The following CYP2A13 variants were observed in gnomAD, a reference collection of about 807,000 sequenced individuals.
The protein encoded by CYP2A13 is cytochrome P450 2A13.
A neutral mutation model predicts 39.4 loss-of-function variants in CYP2A13; 30 were observed. That is an observed-to-expected ratio of 0.76 (90% CI 0.57 to 1.03). CYP2A13 has a LOEUF of 1.03. Among genes scored for constraint, CYP2A13 ranks in the 50% least tolerant of loss-of-function variants. The pLI, the probability that CYP2A13 is intolerant of heterozygous loss-of-function variation, is 0.00. For missense variants in CYP2A13, 731 were observed against 648.4 expected (o/e 1.13, Z -1.38); for synonymous variants, 269 against 254.7 (o/e 1.06, Z -0.54).
At chr19:41,090,228 A>G (rs1645690) in intron 3 of CYP2A13, 32 bp downstream of exon 3, 192,213 of 1,548,226 alleles carry the variant, frequency 0.12, 17,619 homozygotes, top group African/African-American at 0.48. Flanking sequence ...CGAGGGCGGG[A>G]ACCCGCGCTT....
chr19:41,094,461 C>A (rs867531396), intron 7 of CYP2A13, 29 bp downstream of exon 7: 1 of 1,612,926 alleles, frequency 6.2e-7, no homozygotes, highest in Middle Eastern at 1.7e-4. Context: ...CACCACCACT[C>A]AGACTACGGG....
rs775074384 is a variant in CYP2A13, at chr19:41,095,969, T to A, written c.*28T>A. ...GAGGGCTGTGCTGGTGCAGGGCTGG[T>A]GGGCGGGGCCAGGGAAACGGCCGGG... On this transcript the variant is annotated 3_prime_UTR_variant, in exon 9 of 9. Coordinates refer to ENST00000330436, the MANE Select transcript of CYP2A13 (RefSeq NM_000766.5). 1.0e-6 allele frequency: 1 copy of A among 965,484 alleles called. No individual in the cohort carries two copies. The highest frequency in any genetic ancestry group is 1.3e-6 in the Non-Finnish European group (1 of 789,172). The allele number at this position is 965,484 out of a possible 1,614,324, so 59.8% of individuals were successfully genotyped here.
At position 41,092,081 on chromosome 19, in the gene CYP2A13, C is replaced by T. The variant is rs189062487; in HGVS notation, c.831+173C>T. 4.9e-3 allele frequency among the ~76,000 whole-genome samples: 740 copies of T among 151,894 alleles called. 6 individuals carry two copies. The highest frequency in any genetic ancestry group is 0.017 in the African/African-American group (686 of 41,404). On this transcript the variant is annotated intron_variant, in intron 5 of 8. Coordinates refer to ENST00000330436, the MANE Select transcript of CYP2A13 (RefSeq NM_000766.5). Reference sequence around the variant, plus strand: ...CTGTAATCCCAGCACTTTGGGAGGCCGAGGCAGGTGGATCACCTGAGGTCA... The same window carrying T: ...CTGTAATCCCAGCACTTTGGGAGGCTGAGGCAGGTGGATCACCTGAGGTCA...
intron 5 of CYP2A13, among the ~76,000 whole-genome samples, chr19:41,092,781 G>A (rs1251899772): frequency 1.3e-5 from 2 of 152,206 alleles, no homozygotes; most frequent in East Asian, 3.8e-4. Flanking sequence ...AGCCTCCCAT[G>A]TGGGAAGGCT....
Position 41,088,721 on chromosome 19 carries a change from G to C in CYP2A13, c.180+70G>C, listed in dbSNP as rs1338406174. On this transcript the variant is annotated intron_variant, in intron 1 of 8. Coordinates refer to ENST00000330436, the MANE Select transcript of CYP2A13 (RefSeq NM_000766.5). ...CAGTTGGCTGGGGCTTTGTGGCAGGGGATTGACCAGTGTGGACCAGAGTCT... is the reference window on the plus strand; with the variant it reads ...CAGTTGGCTGGGGCTTTGTGGCAGGCGATTGACCAGTGTGGACCAGAGTCT... 11 of 1,575,116 alleles carry C rather than the reference G, an allele frequency of 7.0e-6. 1 individual carries two copies. The Admixed American group carries it at 1.9e-4, about 27-fold the overall frequency.
chr19:41,089,843 T>TG (rs2031135487), intron 2 of CYP2A13, among the ~76,000 whole-genome samples: 1 of 125,456 alleles, frequency 8.0e-6, no homozygotes, highest in Admixed American at 9.3e-5. Flanking sequence ...TCTCTCTCTC[T>TG]CTCTCTCTCT....
Position 41,091,673 on chromosome 19 carries a change from A to G in CYP2A13, c.655-59A>G, listed in dbSNP as rs528956101. 481 of 1,596,404 alleles carry G rather than the reference A, an allele frequency of 3.0e-4. 5 individuals are homozygous for G. The South Asian group carries it at 4.0e-3, about 13-fold the overall frequency. ...TGCTATGAAACAAATCCCCATTCCC[A>G]TCAGCTCCTGCCCCGTGACAGCTGT... On this transcript the variant is annotated intron_variant, in intron 4 of 8. Transcript: ENST00000330436.
chr19:41,093,696 T>A lies in CYP2A13; in HGVS notation c.898T>A (p.Phe300Ile). The A allele has an allele frequency of 6.2e-7, 1 of 1,614,114 alleles. No homozygotes were observed. The highest frequency in any genetic ancestry group is 8.5e-7 in the Non-Finnish European group (1 of 1,180,020). Residue 300 changes from phenylalanine to isoleucine, a missense_variant, in exon 6 of 9, where the codon TTT (phenylalanine) becomes ATT (isoleucine). Coordinates refer to ENST00000330436, the MANE Select transcript of CYP2A13 (RefSeq NM_000766.5). ...GGTGATGACCACCCTGAACCTCTTC[T>A]TTGCGGGCACTGAGACCGTGAGCAC... is the stretch of plus-strand genomic sequence containing the variant. ...NLVMTTLNLF[F>I]AGTETVSTTL...
intron 2 of CYP2A13, 150 bp from the exon 3 acceptor site, chr19:41,089,897 G>A (rs2031142269): frequency 1.6e-6 from 1 of 630,400 alleles, no homozygotes; most frequent in Non-Finnish European, 2.3e-6. Context: ...CTCTGACTGA[G>A]TTTGCAGCTC....
chr19:41,094,229 T>C lies in CYP2A13; in HGVS notation c.974-16T>C, dbSNP rs2031250580. 1.9e-6 allele frequency: 3 copies of C among 1,613,110 alleles called. No individual in the cohort carries two copies. The highest frequency in any genetic ancestry group is 1.7e-6 in the Non-Finnish European group (2 of 1,179,496). On this transcript the variant is annotated splice_polypyrimidine_tract_variant and intron_variant, in intron 6 of 8. Coordinates refer to ENST00000330436, the MANE Select transcript of CYP2A13 (RefSeq NM_000766.5). ...AAGACCCCTAGACACCTAAACACATTCCCCTCCTCCCCCAGCCAAGGTCCA... is the reference window on the plus strand; with the variant it reads ...AAGACCCCTAGACACCTAAACACATCCCCCTCCTCCCCCAGCCAAGGTCCA...
rs1399638413 is a variant in CYP2A13, at chr19:41,088,927, AG to A, written c.181-1del. On this transcript the variant is annotated splice_acceptor_variant, in intron 1 of 8. Coordinates refer to ENST00000330436, the MANE Select transcript of CYP2A13 (RefSeq NM_000766.5). LOFTEE classifies it high-confidence loss of function. ...CTAACCACTCCCACCTGCCTCCAACAGATCAGTGAGCGCTATGGCCCTGTGT... is the reference window on the plus strand; with the variant it reads ...CTAACCACTCCCACCTGCCTCCAACAATCAGTGAGCGCTATGGCCCTGTGT... 1 of 1,613,932 alleles carries A rather than the reference AG, an allele frequency of 6.2e-7. No individual in the cohort carries two copies. Among genetic ancestry groups the A allele is most frequent in the South Asian group, 1.1e-5 (1 of 91,064 alleles).
chr19:41,088,471 C>A lies in CYP2A13; in HGVS notation c.-1C>A. Reference sequence around the variant, plus strand: ...TCACCATCTATCATCCCACTGCCACCATGCTGGCCTCAGGGCTGCTTCTGG... The same window carrying A: ...TCACCATCTATCATCCCACTGCCACAATGCTGGCCTCAGGGCTGCTTCTGG... On this transcript the variant is annotated 5_prime_UTR_variant, in exon 1 of 9. Transcript: ENST00000330436. 1 of 1,612,444 alleles carries A rather than the reference C, an allele frequency of 6.2e-7. No individual in the cohort carries two copies. The highest frequency in any genetic ancestry group is 8.5e-7 in the Non-Finnish European group (1 of 1,178,900).
Position 41,093,835 on chromosome 19 carries a change from C to T in CYP2A13, c.973+64C>T. On this transcript the variant is annotated intron_variant, in intron 6 of 8. Coordinates refer to ENST00000330436, the MANE Select transcript of CYP2A13 (RefSeq NM_000766.5). ...CCTCAAAACTCCCCTGAGCCTGGTG[C>T]AGTGTACCCACCTATCCCAGATCCC... The T allele has an allele frequency of 1.9e-6, 3 of 1,579,400 alleles. No homozygotes were observed. The South Asian group carries it at 3.5e-5, about 18-fold the overall frequency.
At position 41,094,349 on chromosome 19, in the gene CYP2A13, C is replaced by T; in HGVS notation, c.1078C>T (p.Gln360Ter). The T allele has an allele frequency of 6.2e-7, 1 of 1,614,118 alleles. No individual in the cohort carries two copies. The change falls in exon 7 of 9, where the codon CAA becomes TAA. Residue 360 changes from glutamine to a stop codon, truncating the protein, a stop_gained. Transcript: ENST00000330436. LOFTEE classifies it high-confidence loss of function. The stretch of plus-strand genomic sequence containing the variant: ...CACAGAGGCAGTGATCCACGAGATC[C>T]AAAGATTTGGAGACATGCTCCCCAT... ...PYTEAVIHEI[Q>*]RFGDMLPMGL...
In CYP2A13 at chr19:41,094,451, C is replaced by T; in HGVS notation, c.1161+19C>T. Reference sequence around the variant, plus strand: ...CCCTAAGGTGCTGTCTCCCCTCCACCACCACCACTCAGACTACGGGGACTT... The same window carrying T: ...CCCTAAGGTGCTGTCTCCCCTCCACTACCACCACTCAGACTACGGGGACTT... On this transcript the variant is annotated intron_variant, in intron 7 of 8. Coordinates refer to ENST00000330436, the MANE Select transcript of CYP2A13 (RefSeq NM_000766.5). 6.2e-7 allele frequency: 1 copy of T among 1,613,872 alleles called. No homozygotes were observed. The highest frequency in any genetic ancestry group is 1.1e-5 in the South Asian group (1 of 91,072).
intron 2 of CYP2A13, among the ~76,000 whole-genome samples, chr19:41,089,772 T>C (rs1200417805): frequency 6.7e-6 from 1 of 150,200 alleles, no homozygotes; most frequent in Non-Finnish European, 1.5e-5. Flanking sequence ...GCCTTTCTGC[T>C]TCTCTTCTGA....
chr19:41,089,714 C>G (rs184037930), intron 2 of CYP2A13, among the ~76,000 whole-genome samples: 75 of 152,088 alleles, frequency 4.9e-4, no homozygotes, highest in African/African-American at 1.6e-3. Flanking sequence ...TTCCCTTCCT[C>G]CATGGAGTAT....
chr19:41,093,729 C>A lies in CYP2A13; in HGVS notation c.931C>A (p.Arg311Ser), dbSNP rs549735222. Reference sequence around the variant, plus strand: ...CACTGAGACCGTGAGCACCACCCTGCGCTACGGTTTCCTGCTGCTCATGAA... The same window carrying A: ...CACTGAGACCGTGAGCACCACCCTGAGCTACGGTTTCCTGCTGCTCATGAA... ...AGTETVSTTL[R>S]YGFLLLMKHP... Residue 311 changes from arginine (R) to serine (S), a missense_variant, in exon 6 of 9, where the codon CGC becomes AGC. Transcript: ENST00000330436. The A allele has an allele frequency of 4.3e-6, 7 of 1,614,036 alleles. No homozygotes were observed. The South Asian group carries it at 4.4e-5, about 10-fold the overall frequency.
rs141107958 is a variant in CYP2A13, at chr19:41,088,537, A to T, written c.66A>T (p.Ser22=). ...GCCTGACTGTGATGGTCTTGATGTC[A>T]GTCTGGCGGCAGAGGAAGAGCAGGG... ...LACLTVMVLM[S]VWRQRKSRGK... is the part of the protein sequence containing the mutation. Residue 22 remains serine (S), a synonymous_variant, in exon 1 of 9, where the codon TCA becomes TCT. Transcript: ENST00000330436. 2.2e-3 allele frequency: 3,507 copies of T among 1,613,988 alleles called. 52 individuals are homozygous for T. In the African/African-American group the frequency reaches 0.036, roughly 17 times the overall value.
Sources: gnomAD v4.1 joint callset for allele counts (sites outside exome capture counted in the v4.1 genomes callset) on GRCh38, gnomAD v4.1.1 for gene constraint, MANE v1.5 for transcripts, NCBI Gene and HGNC (gene_info 2026-07-23, HGNC 2026-07-21) for gene names.